ANKRD24: variants seen among roughly 807,000 people sequenced by gnomAD.
The protein encoded by ANKRD24 is ankyrin repeat domain-containing protein 24.
Under a neutral mutation model 127.8 loss-of-function variants are expected in ANKRD24, and 109 were observed. The ratio of observed to expected loss-of-function variants is 0.85; its 90% CI spans 0.73 to 1.00. ANKRD24 has a LOEUF of 1.00. ANKRD24 is among the 50% of genes least tolerant of loss of function. The probability of loss-of-function intolerance (pLI) is 0.00; values close to 1 mark genes in which losing one functional copy is unlikely to be tolerated. For synonymous variants in ANKRD24, 743 were observed against 671.1 expected (o/e 1.11, Z -1.66); for missense variants, 1,648 against 1,570.2 (o/e 1.05, Z -0.84).
At chr19:4,203,074 G>A (rs1364073117) in intron 7 of ANKRD24, 148 bp downstream of exon 7, 2 of 691,558 alleles carry the variant, frequency 2.9e-6, no homozygotes, top group Admixed American at 3.2e-5. Context: ...TTGAGACGGA[G>A]TCTCACTCTG....
At chr19:4,193,853 A>AAGGG (rs1968537242) in intron 2 of ANKRD24, among the ~76,000 whole-genome samples, 1 of 25,058 alleles carries the variant, frequency 4.0e-5, no homozygotes, top group Admixed American at 3.8e-4. Context: ...GGGAGGAAGG[A>AAGGG]AGGAAGGAAG....
At position 4,198,424 on chromosome 19, in the gene ANKRD24, C is replaced by G. The variant is rs1968890145; in HGVS notation, c.37-1259C>G. On this transcript the variant is annotated intron_variant, in intron 2 of 21. Transcript: ENST00000318934. This position sits in a 1 kb window ranked among gnomAD's most constrained non-coding sequence, Gnocchi z 6.1. ...GCCCTCCGGCCGCTCCCCGCGGTCC[C>G]TCCAGACCCTCTGGCCGCCGCCTCC... is the stretch of plus-strand genomic sequence containing the variant. 3 of 587,462 alleles carry G rather than the reference C, an allele frequency of 5.1e-6. No homozygotes were observed. The South Asian group carries it at 5.7e-5, about 11-fold the overall frequency. 36.4% of individuals were successfully genotyped at this position (587,462 alleles called of 1,614,324 possible). A position where few individuals can be genotyped will look rare whatever the true frequency, so the allele number is the denominator to read the frequency against.
intron 2 of ANKRD24, among the ~76,000 whole-genome samples, chr19:4,196,754 G>C (rs1599410407): frequency 6.6e-6 from 1 of 152,192 alleles, no homozygotes; most frequent in Non-Finnish European, 1.5e-5. Context: ...CGAATGCTGC[G>C]TGGCATCCAG....
In ANKRD24 at chr19:4,216,948, C is replaced by T; in HGVS notation, c.1788C>T (p.Val596=). 1 of 1,611,832 alleles carries T rather than the reference C, an allele frequency of 6.2e-7. No homozygotes were observed. The highest frequency in any genetic ancestry group is 8.5e-7 in the Non-Finnish European group (1 of 1,179,122). Residue 596 remains valine (V), a synonymous_variant, in exon 18 of 22, where the codon GTC becomes GTT. Coordinates refer to ENST00000318934, the MANE Select transcript of ANKRD24 (RefSeq NM_001393985.1). ...ATGAEATGAK[V]TETKPTGAEV... ...GAGCTGAGGCCACAGGAGCCAAGGT[C>T]ACAGAAACAAAACCCACAGGGGCTG...
In ANKRD24 at chr19:4,207,242, C is replaced by T. The variant is rs376848587; in HGVS notation, c.467C>T (p.Ala156Val). The change falls in exon 8 of 22, where the codon GCG becomes GTG. Residue 156 changes from alanine (A) to valine (V), a missense_variant and splice_region_variant. Ala to Val is a moderately conservative substitution (Grantham distance 64, BLOSUM62 0). Coordinates refer to ENST00000318934, the MANE Select transcript of ANKRD24 (RefSeq NM_001393985.1). The part of the protein sequence containing the change: ...SSGWTALHHA[A>V]AGGCLSCSEV... ...CCGGACAACCTTTTCTCTTTTGCAG[C>T]GGCTGGTGGCTGTCTCTCCTGCTCA... The T allele has an allele frequency of 5.9e-5, 95 of 1,613,576 alleles. No individual in the cohort carries two copies. In the Middle Eastern group the frequency reaches 6.6e-4, roughly 11 times the overall value.
intron 7 of ANKRD24, chr19:4,206,995 T>C: frequency 5.4e-6 from 3 of 554,270 alleles, no homozygotes; most frequent in Non-Finnish European, 9.6e-6. Context: ...AGCCTTGAAC[T>C]CCTGAGCTCA....
At chr19:4,206,462 A>G (rs983484296) in intron 7 of ANKRD24, among the ~76,000 whole-genome samples, 3 of 151,680 alleles carry the variant, frequency 2.0e-5, no homozygotes, top group Non-Finnish European at 4.4e-5. Context: ...AAAAAATAAA[A>G]TAATATAATA....
intron 8 of ANKRD24, 49 bp from the exon 9 acceptor site, chr19:4,207,452 C>T (rs773214618): frequency 6.3e-7 from 1 of 1,593,924 alleles, no homozygotes; most frequent in South Asian, 1.1e-5. Flanking sequence ...TTCTGCACCT[C>T]CCGGGGGTCA....
chr19:4,219,490 C>G, intron 18 of ANKRD24, 101 bp from the exon 19 acceptor site: 1 of 1,410,292 alleles, frequency 7.1e-7, no homozygotes. Context: ...TAAAAAAAAT[C>G]CAAAAACAAA....
chr19:4,202,972 C>A, intron 7 of ANKRD24, 46 bp downstream of exon 7: 2 of 1,499,768 alleles, frequency 1.3e-6, no homozygotes, highest in East Asian at 2.5e-5. Context: ...CCAGAGGGTG[C>A]TAGACTTGGG....
intron 2 of ANKRD24, among the ~76,000 whole-genome samples, chr19:4,196,452 T>G (rs569059303): frequency 1.3e-5 from 2 of 152,306 alleles, no homozygotes; most frequent in African/African-American, 4.8e-5. Flanking sequence ...CTCGGCTTAC[T>G]GCAACCTCTG....
rs760812938 is a variant in ANKRD24, at chr19:4,202,026, G to A, written c.344G>A (p.Gly115Asp). The A allele has an allele frequency of 1.9e-6, 3 of 1,613,648 alleles. No individual in the cohort carries two copies. Among genetic ancestry groups the A allele is most frequent in the Non-Finnish European group, 2.5e-6 (3 of 1,179,804 alleles). Residue 115 changes from glycine (G) to aspartate (D), a missense_variant and splice_region_variant, in exon 6 of 22, where the codon GGT becomes GAT. Physicochemically the swap from Gly to Asp is moderately conservative, Grantham distance 94. Coordinates refer to ENST00000318934, the MANE Select transcript of ANKRD24 (RefSeq NM_001393985.1). ...CAGTAAATCTTCTTTCCTTCCCCAGGTTACAATGCCCTCCACCTGGCCGCC... is the reference window on the plus strand; with the variant it reads ...CAGTAAATCTTCTTTCCTTCCCCAGATTACAATGCCCTCCACCTGGCCGCC... ...GSNVMSADGAGYNALHLAAKY... is the reference protein window; with the variant it reads ...GSNVMSADGADYNALHLAAKY...
chr19:4,198,468 C>CCCCGCG lies in ANKRD24; in HGVS notation c.37-1212_37-1211insGCGCCC. Reference sequence around the variant, plus strand: ...CGCCTCCTCTTGGAACCCCGTGCGCCCCCCGCGCCCCGCGCCCCGGACGCC... The same window carrying CCCCGCG: ...CGCCTCCTCTTGGAACCCCGTGCGCCCCCGCGCCCCGCGCCCCGCGCCCCGGACGCC... On this transcript the variant is annotated intron_variant, in intron 2 of 21. Coordinates refer to ENST00000318934, the MANE Select transcript of ANKRD24 (RefSeq NM_001393985.1). The surrounding 1 kb of genome is among the most constrained non-coding windows in gnomAD (Gnocchi z 6.1). The CCCCGCG allele has an allele frequency of 1.6e-6, 1 of 618,628 alleles. No homozygotes were observed. The highest frequency in any genetic ancestry group is 1.9e-5 in the African/African-American group (1 of 52,378). The allele number at this position is 618,628 out of a possible 1,614,324, so 38.3% of individuals were successfully genotyped here. A position where few individuals can be genotyped will look rare whatever the true frequency, so the allele number is the denominator to read the frequency against.
chr19:4,207,266 C>T lies in ANKRD24; in HGVS notation c.491C>T (p.Ser164Leu). The change falls in exon 8 of 22, where the codon TCA becomes TTA. Residue 164 changes from serine to leucine, a missense_variant. Coordinates refer to ENST00000318934, the MANE Select transcript of ANKRD24 (RefSeq NM_001393985.1). ...HAAAGGCLSC[S>L]EVLCSFKAHL... ...GCGGCTGGTGGCTGTCTCTCCTGCT[C>T]AGAGGTGCTCTGCTCCTTTAAGGCA... 6.2e-7 allele frequency: 1 copy of T among 1,613,812 alleles called. No individual in the cohort carries two copies. The highest frequency in any genetic ancestry group is 1.1e-5 in the South Asian group (1 of 91,060).
rs1969494361 is a variant in ANKRD24, at chr19:4,207,969, G to T, written c.832+1G>T. 2 of 1,486,458 alleles carry T rather than the reference G, an allele frequency of 1.3e-6. No homozygotes were observed. Among genetic ancestry groups the T allele is most frequent in the Non-Finnish European group, 1.8e-6 (2 of 1,119,702 alleles). 92.1% of individuals were successfully genotyped at this position (1,486,458 alleles called of 1,614,324 possible). On this transcript the variant is annotated splice_donor_variant, in intron 10 of 21. Coordinates refer to ENST00000318934, the MANE Select transcript of ANKRD24 (RefSeq NM_001393985.1). LOFTEE classifies it high-confidence loss of function. ...GCCCAGCGCCCCTCCCCACCCAGCG[G>T]TATGCAAGCCCCACCTCCCCAATGC...
chr19:4,190,064 T>C (rs561612496), intron 2 of ANKRD24, among the ~76,000 whole-genome samples: 1 of 152,180 alleles, frequency 6.6e-6, no homozygotes, highest in East Asian at 1.9e-4. Context: ...TCCTAAAATT[T>C]TTCTTCCCAC....
At chr19:4,197,492 G>C (rs1394530807) in intron 2 of ANKRD24, among the ~76,000 whole-genome samples, 3 of 152,108 alleles carry the variant, frequency 2.0e-5, no homozygotes, top group Admixed American at 2.0e-4. Flanking sequence ...ACAAATGAGT[G>C]AGTTAATGAA....
intron 15 of ANKRD24, 84 bp downstream of exon 15, chr19:4,212,782 G>A (rs1969818985): frequency 3.2e-6 from 4 of 1,254,324 alleles, no homozygotes; most frequent in Non-Finnish European, 4.5e-6. Flanking sequence ...AGTCACACCA[G>A]TGCATGCACA....
intron 13 of ANKRD24, 132 bp downstream of exon 13, chr19:4,210,504 GCCT>G (rs1969661727): frequency 1.2e-6 from 1 of 819,222 alleles, no homozygotes; most frequent in Non-Finnish European, 1.9e-6. Flanking sequence ...AGCCACCTGG[GCCT>G]CCTCGCTGTT....
Sources: allele counts gnomAD v4.1 joint callset (sites outside exome capture counted in the v4.1 genomes callset), GRCh38; gene constraint gnomAD v4.1.1; non-coding constraint Gnocchi (gnomAD v3.1); transcripts MANE v1.5; gene names NCBI Gene and HGNC (gene_info 2026-07-23, HGNC 2026-07-21).